The following ABLIM1 variants were observed in gnomAD, a reference collection of about 807,000 sequenced individuals.
The protein encoded by ABLIM1 is actin binding LIM protein 1.
A neutral mutation model predicts 107.0 loss-of-function variants in ABLIM1; 40 were observed. The ratio of observed to expected loss-of-function variants is 0.37; its 90% CI spans 0.29 to 0.49. The LOEUF (loss-of-function observed/expected upper bound fraction) is 0.49. Ranked by LOEUF, ABLIM1 falls within the 20% of genes least tolerant of loss-of-function variation. The pLI, the probability that ABLIM1 is intolerant of heterozygous loss-of-function variation, is 0.97. For missense variants in ABLIM1, 857 were observed against 1,008.5 expected (o/e 0.85, Z 2.04); for synonymous variants, 357 against 357.3 (o/e 1.00, Z 0.01).
chr10:114,546,652 T>G (rs2067384799), intron 5 of ABLIM1, among the ~76,000 whole-genome samples: 1 of 152,236 alleles, frequency 6.6e-6, no homozygotes, highest in Non-Finnish European at 1.5e-5. Flanking sequence ...GAATTAGATT[T>G]CTAGTGGGTG....
chr10:114,471,430 GA>G lies in ABLIM1; in HGVS notation c.1275+1546del, dbSNP rs148354062. 7.4e-4 allele frequency among the ~76,000 whole-genome samples: 112 copies of G among 152,200 alleles called. 1 individual carries two copies. The East Asian group carries it at 0.02, about 27-fold the overall frequency. On this transcript the variant is annotated intron_variant, in intron 10 of 22. Transcript: ENST00000533213. ...GCCAATCTCTATGCACTTTGTTCAG[GA>G]ACTTCCCCTCGCCTCTTATGCCCTA...
At position 114,557,209 on chromosome 10, in the gene ABLIM1, G is replaced by A. The variant is rs139811154; in HGVS notation, c.674-9433C>T. ...TGAGTATGTAACCTTGAACTAGACC[G>A]TGCATAATCACCCATGTCCCTGTAG... On this transcript the variant is annotated intron_variant, in intron 4 of 22. Coordinates refer to ENST00000533213, the MANE Select transcript of ABLIM1 (RefSeq NM_002313.7). 4.2e-3 allele frequency among the ~76,000 whole-genome samples: 646 copies of A among 152,274 alleles called. 3 individuals are homozygous for A. Among genetic ancestry groups the A allele is most frequent in the African/African-American group, 0.015 (606 of 41,572 alleles).
At chr10:114,604,740 A>C (rs558633592) in intron 1 of ABLIM1, among the ~76,000 whole-genome samples, 1 of 152,352 alleles carries the variant, frequency 6.6e-6, no homozygotes, top group East Asian at 1.9e-4. Flanking sequence ...ATGAGAACAC[A>C]GTGAATCTCT....
intron 6 of ABLIM1, among the ~76,000 whole-genome samples, chr10:114,499,002 T>C (rs1254589127): frequency 2.0e-5 from 3 of 152,240 alleles, no homozygotes; most frequent in Non-Finnish European, 4.4e-5. Flanking sequence ...TCGGTGCTAT[T>C]TTCCAGTCTT....
chr10:114,468,435 A>G (rs2065707915), intron 10 of ABLIM1, among the ~76,000 whole-genome samples: 1 of 148,406 alleles, frequency 6.7e-6, no homozygotes, highest in African/African-American at 2.5e-5. Flanking sequence ...CACCACCCCC[A>G]GCTACTTTTT....
intron 8 of ABLIM1, among the ~76,000 whole-genome samples, chr10:114,483,965 C>T (rs190100875): frequency 2.0e-5 from 3 of 152,294 alleles, no homozygotes; most frequent in Non-Finnish European, 2.9e-5. Context: ...GTTCCTCTGC[C>T]GGGCTGGTTG....
At chr10:114,495,887 CT>C (rs2059600674) in intron 6 of ABLIM1, among the ~76,000 whole-genome samples, 1 of 152,198 alleles carries the variant, frequency 6.6e-6, no homozygotes, top group African/African-American at 2.4e-5. Context: ...AGTGAGTGTT[CT>C]TACCCAGTAC....
At chr10:114,649,023 T>A (rs1289139069) in intron 1 of ABLIM1, among the ~76,000 whole-genome samples, 1 of 152,148 alleles carries the variant, frequency 6.6e-6, no homozygotes, top group Non-Finnish European at 1.5e-5. Context: ...AGGGTCTTAA[T>A]CTAACACTAC....
At chr10:114,751,749 A>G (rs754124192) in intron 1 of ABLIM1, among the ~76,000 whole-genome samples, 1 of 16,282 alleles carries the variant, frequency 6.1e-5, no homozygotes, top group South Asian at 2.0e-3. Context: ...ACTCTGTCTC[A>G]AAAAAAAAAA....
intron 1 of ABLIM1, among the ~76,000 whole-genome samples, chr10:114,716,607 C>T (rs2081670441): frequency 6.6e-6 from 1 of 152,168 alleles, no homozygotes; most frequent in East Asian, 1.9e-4. Flanking sequence ...TCTGAACACA[C>T]ATGCTAACTG....
intron 7 of ABLIM1, among the ~76,000 whole-genome samples, chr10:114,491,012 G>A (rs202014842): frequency 0.58 from 53,447 of 92,630 alleles, 14,828 homozygotes; most frequent in South Asian, 0.71. Context: ...GTGTGTGTGT[G>A]TATATATATA....
At chr10:114,799,213 A>C in the ABLIM1 span, among the ~76,000 whole-genome samples, 107,110 of 151,464 alleles carry the variant, frequency 0.71, 37,930 homozygotes, top group Non-Finnish European at 0.72. Context: ...ATCTCTGCCA[A>C]TTCCCAGCCT....
At chr10:114,476,942 G>A (rs1280422466) in intron 8 of ABLIM1, among the ~76,000 whole-genome samples, 2 of 151,998 alleles carry the variant, frequency 1.3e-5, no homozygotes, top group Admixed American at 6.5e-5. Context: ...CACTTACTAC[G>A]TGGAAGCCCT....
chr10:114,677,035 C>A (rs555960470), intron 1 of ABLIM1, among the ~76,000 whole-genome samples: 1 of 152,218 alleles, frequency 6.6e-6, no homozygotes. Flanking sequence ...CCGTGCCTGG[C>A]CAAGTTTATC....
intron 6 of ABLIM1, among the ~76,000 whole-genome samples, chr10:114,533,822 C>T (rs1317819895): frequency 6.6e-6 from 1 of 152,034 alleles, no homozygotes; most frequent in East Asian, 1.9e-4. Flanking sequence ...GACTATAGAC[C>T]CTCACCAACA....
chr10:114,512,620 T>A (rs1252823272), intron 6 of ABLIM1, among the ~76,000 whole-genome samples: 1 of 151,078 alleles, frequency 6.6e-6, no homozygotes, highest in Non-Finnish European at 1.5e-5. Context: ...AGGTCAGGAG[T>A]TCAAGACCAG....
chr10:114,630,791 G>A (rs1028275989), intron 1 of ABLIM1, among the ~76,000 whole-genome samples: 12 of 152,048 alleles, frequency 7.9e-5, no homozygotes, highest in South Asian at 4.2e-4. Flanking sequence ...ATGTCCCCAC[G>A]GTAAGAAAAT....
chr10:114,752,122 T>C (rs377176155), intron 1 of ABLIM1, among the ~76,000 whole-genome samples: 27 of 152,206 alleles, frequency 1.8e-4, no homozygotes, highest in Middle Eastern at 6.8e-3. Context: ...TAAAATTGAG[T>C]CATCTGATCT....
At position 114,706,329 on chromosome 10, in the gene ABLIM1, G is replaced by A. The variant is rs867561756; in HGVS notation, c.-213+61732C>T. On this transcript the variant is annotated intron_variant, in intron 1 of 15. Transcript: ENST00000651092. ...ATTTTATCACCCAAGTTATATAAAC[G>A]ATATTGAATTAACAGGAGTAGTACC... Among the ~76,000 whole-genome samples, 27 of 152,288 alleles carry A rather than the reference G, an allele frequency of 1.8e-4. 1 individual carries two copies. The Middle Eastern group carries it at 0.017, about 96-fold the overall frequency.
Sources: allele counts gnomAD v4.1 joint callset (sites outside exome capture counted in the v4.1 genomes callset), GRCh38; gene constraint gnomAD v4.1.1; transcripts MANE v1.5; gene names NCBI Gene and HGNC (gene_info 2026-07-23, HGNC 2026-07-21).